RASSF3: variants seen among roughly 807,000 people sequenced by gnomAD.
RASSF3 encodes the protein ras association domain-containing protein 3.
In RASSF3, 19 loss-of-function variants were observed where a neutral mutation model predicts 19.9. The observed-to-expected ratio is 0.96, with a 90% CI of 0.67 to 1.40. The LOEUF (loss-of-function observed/expected upper bound fraction) is 1.40. Among genes scored for constraint, RASSF3 ranks in the 40% most tolerant of loss-of-function variants. RASSF3 has a pLI of 0.00. For synonymous variants in RASSF3, 110 were observed against 104.2 expected (o/e 1.06, Z -0.34); for missense variants, 306 against 289.8 (o/e 1.06, Z -0.41).
intron 1 of RASSF3, among the ~76,000 whole-genome samples, chr12:64,678,527 G>A (rs1484692387): frequency 6.6e-6 from 1 of 151,762 alleles, no homozygotes; most frequent in Non-Finnish European, 1.5e-5. Context: ...CTGGCATCAG[G>A]CACTGTGCAT....
chr12:64,576,738 C>A (rs953577556), intron 2 of RASSF3, among the ~76,000 whole-genome samples: 1 of 151,512 alleles, frequency 6.6e-6, no homozygotes, highest in Non-Finnish European at 1.5e-5. Context: ...GTAGGCCCAG[C>A]TACCCAGGAG....
chr12:64,622,216 A>ATTTTTTTTTT (rs35037944), intron 1 of RASSF3, among the ~76,000 whole-genome samples: 2 of 134,512 alleles, frequency 1.5e-5, no homozygotes, highest in Non-Finnish European at 1.6e-5. Flanking sequence ...ATGTCCAGCT[A>ATTTTTTTTTT]TTTTTTTTTT....
At chr12:64,665,319 T>C (rs1348125202) in intron 1 of RASSF3, among the ~76,000 whole-genome samples, 1 of 152,252 alleles carries the variant, frequency 6.6e-6, no homozygotes, top group Non-Finnish European at 1.5e-5. Context: ...ATGTAGATGC[T>C]AAAATTAAAT....
chr12:64,543,437 C>CACCGCTG (rs1868982924), downstream of RASSF3, among the ~76,000 whole-genome samples: 2 of 46,606 alleles, frequency 4.3e-5, no homozygotes, highest in African/African-American at 1.9e-4. Context: ...CCGCCCGCCC[C>CACCGCTG]CCCCGTGCCC....
At position 64,540,241 on chromosome 12, in the gene RASSF3, C is replaced by T. The variant is rs117077004; in HGVS notation, c.68-1340C>T. Among the ~76,000 whole-genome samples, 1,522 of 152,248 alleles carry T rather than the reference C, an allele frequency of 1.0e-2. 15 individuals are homozygous for T. The highest frequency in any genetic ancestry group is 0.015 in the Non-Finnish European group (1,001 of 68,026). On this transcript the variant is annotated intron_variant, in intron 1 of 1. Coordinates refer to the RASSF3 transcript ENST00000636333. ...TCCTTAAAAATTTCATTATGTTAGA[C>T]CTGTCTTCAGTGGGTTACATTACCA...
Position 64,641,400 on chromosome 12 carries a change from G to GCACACACACACA in RASSF3, c.111+30658_111+30659insACACACACACAC, listed in dbSNP as rs530475322. On this transcript the variant is annotated intron_variant, in intron 1 of 4. Transcript: ENST00000542104. ...GACAGAGTGAGACCCTGTCTCACAG[G>GCACACACACACA]CGCACACACACACACGCGCGCGCGC... Among the ~76,000 whole-genome samples, 635 of 106,918 alleles carry GCACACACACACA rather than the reference G, an allele frequency of 5.9e-3. 6 individuals are homozygous for GCACACACACACA. Among genetic ancestry groups the GCACACACACACA allele is most frequent in the African/African-American group, 0.018 (615 of 33,552 alleles). 70.1% of individuals were successfully genotyped at this position (106,918 alleles called of 152,430 possible).
At chr12:64,644,074 C>T (rs1871641351) in intron 1 of RASSF3, among the ~76,000 whole-genome samples, 1 of 152,098 alleles carries the variant, frequency 6.6e-6, no homozygotes, top group African/African-American at 2.4e-5. Flanking sequence ...AAATATTTTG[C>T]TCTGCAGGGA....
intron 1 of RASSF3, among the ~76,000 whole-genome samples, chr12:64,626,004 C>T (rs1870976999): frequency 6.6e-6 from 1 of 152,118 alleles, no homozygotes; most frequent in African/African-American, 2.4e-5. Context: ...ATTATCTCTC[C>T]ACCCCCAACC....
chr12:64,527,177 C>A (rs12315614), intron 1 of RASSF3, among the ~76,000 whole-genome samples: 14,555 of 152,172 alleles, frequency 0.096, 779 homozygotes, highest in Middle Eastern at 0.22. Context: ...TTGCAGAATC[C>A]TATCATTGAG....
chr12:64,540,500 T>C (rs890133811), intron 1 of RASSF3, among the ~76,000 whole-genome samples: 7 of 152,332 alleles, frequency 4.6e-5, no homozygotes, highest in Non-Finnish European at 7.3e-5. Flanking sequence ...CCATGAATGT[T>C]TGGCTATTAT....
At chr12:64,654,403 T>G (rs1872073498) in intron 1 of RASSF3, 1 of 151,478 alleles carries the variant, frequency 6.6e-6, no homozygotes, top group Non-Finnish European at 1.5e-5. Flanking sequence ...TGACCTCAAG[T>G]GATCCGCCCG....
chr12:64,545,119 TTTAAA>T (rs1463491030), downstream of RASSF3, among the ~76,000 whole-genome samples: 1 of 152,198 alleles, frequency 6.6e-6, no homozygotes. Context: ...TGTACTAGCC[TTTAAA>T]TTAAGAAAAT....
chr12:64,599,321 G>A (rs1282463098), intron 2 of RASSF3: 2 of 152,154 alleles, frequency 1.3e-5, no homozygotes, highest in Non-Finnish European at 2.9e-5. Context: ...AGGGATAGAT[G>A]GCTAAAAGCC....
At chr12:64,692,417 A>T (rs1868299117) in intron 4 of RASSF3, among the ~76,000 whole-genome samples, 1 of 152,214 alleles carries the variant, frequency 6.6e-6, no homozygotes, top group South Asian at 2.1e-4. Context: ...GGGACTAAAC[A>T]CTTTACAAGG....
chr12:64,575,968 C>T (rs1244548460), intron 2 of RASSF3, among the ~76,000 whole-genome samples: 1 of 151,314 alleles, frequency 6.6e-6, no homozygotes, highest in Non-Finnish European at 1.5e-5. Context: ...CGGCTCACCA[C>T]AACCTCCCCC....
chr12:64,508,960 G>A (rs970502164), intron 1 of RASSF3, among the ~76,000 whole-genome samples: 1 of 151,866 alleles, frequency 6.6e-6, no homozygotes, highest in African/African-American at 2.4e-5. Flanking sequence ...AAAATATAAG[G>A]CCTAGGACAT....
chr12:64,541,562 A>T (rs1368726247), intron 1 of RASSF3: 1 of 398,394 alleles, frequency 2.5e-6, no homozygotes, highest in African/African-American at 2.1e-5. Context: ...CTGGGAACCT[A>T]ACGTGCTTTC....
chr12:64,669,283 A>G lies in RASSF3; in HGVS notation c.112-15504A>G, dbSNP rs531687886. Reference sequence around the variant, plus strand: ...TGGTGACTTAGATGAAAGGGTGAAAAAGGTGAAACCTTCACATTATTGTGT... The same window carrying G: ...TGGTGACTTAGATGAAAGGGTGAAAGAGGTGAAACCTTCACATTATTGTGT... On this transcript the variant is annotated intron_variant, in intron 1 of 4. Coordinates refer to ENST00000542104, the MANE Select transcript of RASSF3 (RefSeq NM_178169.4). 2.0e-5 allele frequency among the ~76,000 whole-genome samples: 3 copies of G among 152,262 alleles called. No individual in the cohort carries two copies. In the East Asian group the frequency reaches 5.8e-4, roughly 29 times the overall value.
intron 2 of RASSF3, among the ~76,000 whole-genome samples, chr12:64,563,824 C>T (rs1869386249): frequency 6.6e-6 from 1 of 152,222 alleles, no homozygotes; most frequent in Admixed American, 6.5e-5. Flanking sequence ...GCAGCCTCCA[C>T]ACTACCACAT....
Sources: allele counts gnomAD v4.1 joint callset (sites outside exome capture counted in the v4.1 genomes callset), GRCh38; gene constraint gnomAD v4.1.1; transcripts MANE v1.5; gene names NCBI Gene and HGNC (gene_info 2026-07-23, HGNC 2026-07-21).